Variants in PDE10A observed in about 807,000 individuals in gnomAD.
PDE10A encodes the protein cAMP and cAMP-inhibited cGMP 3',5'-cyclic phosphodiesterase 10A.
PDE10A carries 39 observed loss-of-function variants against 97.7 expected under a neutral mutation model. That is an observed-to-expected ratio of 0.40 (90% confidence interval 0.31 to 0.52). PDE10A has a LOEUF of 0.52. Among genes scored for constraint, PDE10A ranks in the 20% least tolerant of loss-of-function variants. The pLI is 0.56. For missense variants in PDE10A, 731 were observed against 1,047.8 expected (o/e 0.70, Z 4.17); for synonymous variants, 371 against 376.8 (o/e 0.98, Z 0.18).
At chr6:165,973,681 C>T (rs900983593) in intron 1 of PDE10A, among the ~76,000 whole-genome samples, 3 of 152,326 alleles carry the variant, frequency 2.0e-5, no homozygotes, top group East Asian at 1.9e-4. Context: ...GAAGCACCGC[C>T]GCGTGGGCCC....
intron 1 of PDE10A, among the ~76,000 whole-genome samples, chr6:165,596,753 T>C (rs188215174): frequency 5.9e-5 from 9 of 152,136 alleles, no homozygotes; most frequent in Middle Eastern, 6.8e-3. Flanking sequence ...AATATGTAAG[T>C]GAATAAACAA....
At chr6:165,573,854 C>T (rs558524893) in intron 1 of PDE10A, among the ~76,000 whole-genome samples, 1 of 152,294 alleles carries the variant, frequency 6.6e-6, no homozygotes, top group African/African-American at 2.4e-5. Context: ...AGCCAAGGTG[C>T]TACTTCTCGG....
intron 1 of PDE10A, among the ~76,000 whole-genome samples, chr6:165,951,163 C>A (rs182784073): frequency 3.3e-5 from 5 of 152,116 alleles, no homozygotes; most frequent in Admixed American, 2.6e-4. Context: ...AAACTACCTC[C>A]GAACTGATAC....
chr6:165,378,848 T>G (rs540128021), intron 18 of PDE10A, among the ~76,000 whole-genome samples: 1 of 152,210 alleles, frequency 6.6e-6, no homozygotes, highest in African/African-American at 2.4e-5. Context: ...CATTTGCTCT[T>G]GAGTTTCTGA....
intron 13 of PDE10A, among the ~76,000 whole-genome samples, chr6:165,411,055 C>G (rs1170826749): frequency 9.3e-6 from 1 of 107,542 alleles, no homozygotes; most frequent in African/African-American, 4.4e-5. Context: ...CCACTGCCCT[C>G]CAGCCTGGGC....
chr6:165,946,426 G>A (rs1324899973), intron 1 of PDE10A, among the ~76,000 whole-genome samples: 2 of 151,806 alleles, frequency 1.3e-5, no homozygotes, highest in Admixed American at 6.6e-5. Context: ...ACCAGGAGGC[G>A]GAGCTTGCAG....
At chr6:165,629,200 A>C (rs570136893) in intron 1 of PDE10A, among the ~76,000 whole-genome samples, 12 of 152,334 alleles carry the variant, frequency 7.9e-5, no homozygotes, top group Non-Finnish European at 1.5e-4. Flanking sequence ...GAAGTTCAGC[A>C]GCAGCGAGCT....
chr6:165,591,945 A>G (rs999110341), intron 1 of PDE10A, among the ~76,000 whole-genome samples: 1 of 152,224 alleles, frequency 6.6e-6, no homozygotes, highest in Non-Finnish European at 1.5e-5. Flanking sequence ...TAGCATATGA[A>G]AAACACTCCC....
intron 1 of PDE10A, among the ~76,000 whole-genome samples, chr6:165,792,337 T>C (rs2128463796): frequency 6.6e-6 from 1 of 152,278 alleles, no homozygotes. Flanking sequence ...GAGCATCTCC[T>C]GTAAGGGAGC....
intron 1 of PDE10A, among the ~76,000 whole-genome samples, chr6:165,572,394 A>G (rs1278261336): frequency 6.6e-6 from 1 of 152,230 alleles, no homozygotes; most frequent in Non-Finnish European, 1.5e-5. Flanking sequence ...TGCTTTAAAA[A>G]ACTCAGAAAA....
intron 1 of PDE10A, among the ~76,000 whole-genome samples, chr6:165,615,052 A>G (rs945843416): frequency 2.0e-5 from 3 of 151,950 alleles, no homozygotes; most frequent in Non-Finnish European, 4.4e-5. Context: ...TCTACTAAAA[A>G]TACAAAAATT....
At chr6:165,409,913 T>C (rs1226558487) in intron 13 of PDE10A, among the ~76,000 whole-genome samples, 4 of 150,086 alleles carry the variant, frequency 2.7e-5, no homozygotes, top group African/African-American at 7.4e-5. Flanking sequence ...TTCTGTGTGG[T>C]TTAATCATGA....
At chr6:165,938,033 T>C (rs964425895) in intron 1 of PDE10A, among the ~76,000 whole-genome samples, 2 of 152,164 alleles carry the variant, frequency 1.3e-5, no homozygotes, top group Non-Finnish European at 2.9e-5. Context: ...CTTCCTTTCC[T>C]CTACAAAGAC....
chr6:165,527,861 T>G (rs138667860), intron 2 of PDE10A, among the ~76,000 whole-genome samples: 8 of 152,296 alleles, frequency 5.3e-5, no homozygotes, highest in Non-Finnish European at 1.0e-4. Context: ...CTATGATCAG[T>G]TGACAGAAGA....
At chr6:165,379,036 A>G (rs1159267857) in intron 18 of PDE10A, among the ~76,000 whole-genome samples, 158 bp downstream of exon 18, 2 of 152,230 alleles carry the variant, frequency 1.3e-5, no homozygotes, top group Admixed American at 1.3e-4. Flanking sequence ...CAAAGCATCT[A>G]AAGTAAATAT....
intron 1 of PDE10A, among the ~76,000 whole-genome samples, chr6:165,924,831 G>A (rs28676986): frequency 6.6e-6 from 1 of 152,192 alleles, no homozygotes; most frequent in Non-Finnish European, 1.5e-5. Context: ...AGTAAGCATA[G>A]GAGAAGATCT....
chr6:165,335,842 GCC>G (rs897077090), intron 21 of PDE10A, among the ~76,000 whole-genome samples: 2 of 151,594 alleles, frequency 1.3e-5, no homozygotes, highest in African/African-American at 4.8e-5. Flanking sequence ...TCTGGCCCCA[GCC>G]CCCAGCCTGT....
Position 165,388,401 on chromosome 6 carries a change from A to C in PDE10A, c.2507T>G (p.Phe836Cys). 1 of 1,614,144 alleles carries C rather than the reference A, an allele frequency of 6.2e-7. No individual in the cohort carries two copies. The highest frequency in any genetic ancestry group is 8.5e-7 in the Non-Finnish European group (1 of 1,179,980). Residue 836 changes from phenylalanine to cysteine, a missense_variant, in exon 17 of 22, where the codon TTC (phenylalanine) becomes TGC (cysteine). Around this residue, in one of 8 missense-constraint regions of PDE10A, gnomAD observed 131 missense variants for 187.4 expected, o/e 0.70. Transcript: ENST00000539869. The surrounding 1 kb of genome is among the most constrained non-coding windows in gnomAD (Gnocchi z 4.0). ...CLCHDLDHRG[F>C]SNSYLQKFDH... ...GAACTTCTGCAGGTAGCTGTTACTG[A>C]AGCCCCTGTGGTCCAGGTCATGACA...
At chr6:165,885,439 G>A (rs1404071289) in intron 1 of PDE10A, among the ~76,000 whole-genome samples, 1 of 152,124 alleles carries the variant, frequency 6.6e-6, no homozygotes, top group Non-Finnish European at 1.5e-5. Flanking sequence ...AACTGCCCCC[G>A]TGATCCAATC....
Sources: gnomAD v4.1 joint callset for allele counts (sites outside exome capture counted in the v4.1 genomes callset) on GRCh38, gnomAD v4.1.1 for gene constraint, gnomAD v4.1.1 regional missense constraint, Gnocchi (gnomAD v3.1) non-coding constraint, MANE v1.5 for transcripts, NCBI Gene and HGNC (gene_info 2026-07-23, HGNC 2026-07-21) for gene names.